Variants in ATG5 observed in about 807,000 individuals in gnomAD.
The protein encoded by ATG5 is autophagy protein 5.
In ATG5, 14 loss-of-function variants were observed where a neutral mutation model predicts 36.5. The ratio of observed to expected loss-of-function variants is 0.38; its 90% CI spans 0.25 to 0.60. The LOEUF (loss-of-function observed/expected upper bound fraction) is 0.60. Among genes scored for constraint, ATG5 ranks in the 20% least tolerant of loss-of-function variants. The probability of loss-of-function intolerance (pLI) is 0.60; values close to 1 mark genes in which losing one functional copy is unlikely to be tolerated. For synonymous variants in ATG5, 95 were observed against 101.5 expected (o/e 0.94, Z 0.38); for missense variants, 195 against 326.7 (o/e 0.60, Z 3.11).
chr6:106,255,003 TTCC>T (rs1778744146), intron 5 of ATG5, among the ~76,000 whole-genome samples: 2 of 152,232 alleles, frequency 1.3e-5, no homozygotes, highest in South Asian at 4.1e-4. Context: ...TCCCTTTTGC[TTCC>T]TCCAACTTTT....
In ATG5 at chr6:106,279,296, G is replaced by A. The variant is rs989587738; in HGVS notation, c.478+365C>T. Among the ~76,000 whole-genome samples the A allele has an allele frequency of 3.9e-5, 6 of 152,328 alleles. No homozygotes were observed. In the East Asian group the frequency reaches 5.8e-4, roughly 15 times the overall value. On this transcript the variant is annotated intron_variant, in intron 5 of 7. Transcript: ENST00000369076. ...AGAGGTTGGAGTTCAATCCCCACAC[G>A]TGGAGGTATCTTTGTACATACCCAG...
intron 6 of ATG5, among the ~76,000 whole-genome samples, chr6:106,212,105 T>C (rs1210103530): frequency 1.3e-5 from 2 of 152,232 alleles, no homozygotes; most frequent in South Asian, 2.1e-4. Context: ...TGCCTAACTA[T>C]ATAAGTAGTA....
chr6:106,240,343 A>G lies in ATG5; in HGVS notation c.573+7807T>C, dbSNP rs575597945. Among the ~76,000 whole-genome samples the G allele has an allele frequency of 1.0e-3, 150 of 148,338 alleles. 1 individual carries two copies. The highest frequency in any genetic ancestry group is 7.2e-3 in the Middle Eastern group (2 of 278). ...AATTATTTTATAAAATATCTTTAAT[A>G]TATTTATAGATATTATAATATAAAA... On this transcript the variant is annotated intron_variant, in intron 6 of 7. Transcript: ENST00000369076.
At chr6:106,192,050 G>A (rs922634633) in intron 7 of ATG5, among the ~76,000 whole-genome samples, 3 of 151,838 alleles carry the variant, frequency 2.0e-5, no homozygotes, top group African/African-American at 4.8e-5. Context: ...ACCCAGACTC[G>A]ATGATTATGC....
chr6:106,240,356 TTATAA>T (rs1222792935), intron 6 of ATG5, among the ~76,000 whole-genome samples: 6 of 148,250 alleles, frequency 4.0e-5, no homozygotes, highest in African/African-American at 1.2e-4. Context: ...TTTATAGATA[TTATAA>T]TATAAAATAT....
intron 5 of ATG5, among the ~76,000 whole-genome samples, chr6:106,273,534 C>A (rs771645590): frequency 1.3e-5 from 2 of 151,996 alleles, no homozygotes; most frequent in African/African-American, 4.8e-5. Context: ...TTACCACCTT[C>A]GTATTTGTAA....
intron 6 of ATG5, among the ~76,000 whole-genome samples, chr6:106,234,193 C>T (rs1397704220): frequency 6.6e-6 from 1 of 152,008 alleles, no homozygotes; most frequent in African/African-American, 2.4e-5. Context: ...TACATAGCAC[C>T]CCTAGCCCCT....
intron 4 of ATG5, among the ~76,000 whole-genome samples, chr6:106,291,759 T>TA (rs1393211476): frequency 6.6e-6 from 1 of 152,236 alleles, no homozygotes; most frequent in Admixed American, 6.5e-5. Flanking sequence ...TCTCTAAACT[T>TA]AAATTGTTGT....
intron 5 of ATG5, among the ~76,000 whole-genome samples, chr6:106,276,381 G>A (rs1388077568): frequency 2.0e-5 from 3 of 150,908 alleles, no homozygotes; most frequent in Non-Finnish European, 4.4e-5. Context: ...GGAGAATGGC[G>A]TGAACCCGGG....
In ATG5 at chr6:106,184,870, C is replaced by A. The variant is rs1158971836; in HGVS notation, c.*1670G>T. On this transcript the variant is annotated 3_prime_UTR_variant, in exon 8 of 8. Coordinates refer to ENST00000369076, the MANE Select transcript of ATG5 (RefSeq NM_004849.4). ...GTCAAAACATCAAGGGGGAAAATCC[C>A]CAAAATGAACCGACGAATAAACACT... 2 of 152,278 alleles carry A rather than the reference C, an allele frequency of 1.3e-5. No individual in the cohort carries two copies. The allele number at this position is 152,278 out of a possible 1,614,324, so 9.4% of individuals were successfully genotyped here. A position where few individuals can be genotyped will look rare whatever the true frequency, so the allele number is the denominator to read the frequency against.
At chr6:106,324,555 T>C (rs182036740) in intron 1 of ATG5, among the ~76,000 whole-genome samples, 14 of 152,368 alleles carry the variant, frequency 9.2e-5, no homozygotes, top group Admixed American at 9.1e-4. Flanking sequence ...CTATTTTGTT[T>C]ACTGTTTTGT....
intron 5 of ATG5, among the ~76,000 whole-genome samples, chr6:106,254,866 C>A (rs879927561): frequency 1.3e-5 from 2 of 152,232 alleles, no homozygotes; most frequent in African/African-American, 4.8e-5. Context: ...GCATCACTCA[C>A]ATCAAATTCT....
At chr6:106,279,511 G>A in intron 5 of ATG5, 150 bp downstream of exon 5, 2 of 590,304 alleles carry the variant, frequency 3.4e-6, no homozygotes, top group Non-Finnish European at 5.3e-6. Context: ...TGTAAGGGAT[G>A]ACTAAAAGTA....
At chr6:106,275,845 G>C (rs886199820) in intron 5 of ATG5, among the ~76,000 whole-genome samples, 3 of 152,162 alleles carry the variant, frequency 2.0e-5, no homozygotes, top group African/African-American at 7.2e-5. Context: ...TTTCTTAAAA[G>C]GCCAGACAAT....
intron 3 of ATG5, among the ~76,000 whole-genome samples, chr6:106,297,954 T>C (rs750853000): frequency 6.7e-6 from 1 of 149,318 alleles, no homozygotes; most frequent in Non-Finnish European, 1.5e-5. Flanking sequence ...AGGGAGACCC[T>C]GTCAAAATCT....
chr6:106,248,085 G>C (rs763631009), intron 6 of ATG5, 65 bp downstream of exon 6: 101 of 1,238,142 alleles, frequency 8.2e-5, no homozygotes, highest in Non-Finnish European at 1.1e-4. Context: ...TTCTACACTA[G>C]AGTGCTTCAA....
chr6:106,240,295 G>A (rs183677750), intron 6 of ATG5, among the ~76,000 whole-genome samples: 55 of 148,430 alleles, frequency 3.7e-4, no homozygotes, highest in African/African-American at 1.2e-3. Flanking sequence ...TGTGTTTGAC[G>A]GTAAAAGTTT....
intron 6 of ATG5, among the ~76,000 whole-genome samples, chr6:106,247,619 C>G (rs1778395539): frequency 6.6e-6 from 1 of 152,206 alleles, no homozygotes; most frequent in African/African-American, 2.4e-5. Flanking sequence ...ATTAACTGAT[C>G]AATACATAAC....
chr6:106,308,444 C>A lies in ATG5; in HGVS notation c.156G>T (p.Val52=). The change falls in exon 3 of 8, where the codon GTG becomes GTT. Residue 52 remains valine, a synonymous_variant. Coordinates refer to ENST00000369076, the MANE Select transcript of ATG5 (RefSeq NM_004849.4). ...TCATAACCTTCTGAAAGTGCTTTTT[C>A]ACTTTGTCAGTTACCAACGTCAAAT... The part of the protein sequence containing the change: ...VSYLTLVTDK[V]KKHFQKVMRQ... 6.3e-7 allele frequency: 1 copy of A among 1,598,878 alleles called. No individual in the cohort carries two copies. The highest frequency in any genetic ancestry group is 1.1e-5 in the South Asian group (1 of 88,346).
Sources: gnomAD v4.1 joint callset for allele counts (sites outside exome capture counted in the v4.1 genomes callset) on GRCh38, gnomAD v4.1.1 for gene constraint, MANE v1.5 for transcripts, NCBI Gene and HGNC (gene_info 2026-07-23, HGNC 2026-07-21) for gene names.